Variants in ADAMTSL1 observed in about 807,000 individuals in gnomAD.
ADAMTSL1 encodes the protein ADAMTS-like protein 1.
A neutral mutation model predicts 201.8 loss-of-function variants in ADAMTSL1; 126 were observed. That is an observed-to-expected ratio of 0.62 (90% CI 0.54 to 0.72). The LOEUF (loss-of-function observed/expected upper bound fraction) is 0.72, where lower values mean the gene tolerates loss of function less well. ADAMTSL1 is among the 30% of genes least tolerant of loss of function. The pLI is 0.00. For missense variants in ADAMTSL1, 2,679 were observed against 2,277.8 expected (o/e 1.18, Z -3.59); for synonymous variants, 1,121 against 903.4 (o/e 1.24, Z -4.32).
At chr9:18,354,229 A>G (rs1211305481) in intron 2 of ADAMTSL1, among the ~76,000 whole-genome samples, 1 of 151,866 alleles carries the variant, frequency 6.6e-6, no homozygotes, top group Non-Finnish European at 1.5e-5. Context: ...TAAATGTACC[A>G]TAATTTAATT....
chr9:18,351,250 G>T (rs1439716760), intron 2 of ADAMTSL1, among the ~76,000 whole-genome samples: 1 of 124,496 alleles, frequency 8.0e-6, no homozygotes, highest in Non-Finnish European at 1.7e-5. Context: ...TAAGATGAAA[G>T]ACCAAAAAAA....
intron 2 of ADAMTSL1, among the ~76,000 whole-genome samples, chr9:18,267,771 A>AAAC: frequency 7.3e-6 from 1 of 136,496 alleles, no homozygotes; most frequent in Non-Finnish European, 1.6e-5. Context: ...TTAAAAAAAA[A>AAAC]AAACAAAAAC....
At chr9:18,160,880 T>G (rs10738503) in intron 1 of ADAMTSL1, among the ~76,000 whole-genome samples, 143,911 of 144,714 alleles carry the variant, frequency 0.99, 71,565 homozygotes, top group Middle Eastern at 1. Context: ...TAAGAGACAA[T>G]GTCTCACTAT....
At chr9:18,382,727 A>G (rs1306298852) in intron 2 of ADAMTSL1, among the ~76,000 whole-genome samples, 3 of 152,150 alleles carry the variant, frequency 2.0e-5, no homozygotes, top group Admixed American at 6.6e-5. Flanking sequence ...ACGACATCAC[A>G]GTGTACTTCT....
At position 18,712,974 on chromosome 9, in the gene ADAMTSL1, C is replaced by T. The variant is rs893079088; in HGVS notation, c.1876+5926C>T. Among the ~76,000 whole-genome samples the T allele has an allele frequency of 1.5e-4, 23 of 151,278 alleles. 1 individual carries two copies. Among genetic ancestry groups the T allele is most frequent in the Admixed American group, 1.3e-3 (19 of 15,148 alleles). ...ATTCTTAAAGAAAAGAATTTTCAACCCAGAATTTCATATCCAGCCAAACTA... is the reference window on the plus strand; with the variant it reads ...ATTCTTAAAGAAAAGAATTTTCAACTCAGAATTTCATATCCAGCCAAACTA... On this transcript the variant is annotated intron_variant, in intron 14 of 28. Transcript: ENST00000380548.
chr9:18,383,079 A>G (rs1029654952), intron 2 of ADAMTSL1, among the ~76,000 whole-genome samples: 1 of 152,184 alleles, frequency 6.6e-6, no homozygotes, highest in Non-Finnish European at 1.5e-5. Flanking sequence ...TGGCCCAACC[A>G]TGTACATACC....
chr9:18,350,476 T>G (rs1835918819), intron 2 of ADAMTSL1, among the ~76,000 whole-genome samples: 2 of 152,014 alleles, frequency 1.3e-5, no homozygotes. Flanking sequence ...GAAGGTGAAT[T>G]GGCTGCATAT....
intron 26 of ADAMTSL1, among the ~76,000 whole-genome samples, chr9:18,900,053 C>G (rs2383086): frequency 0.15 from 23,215 of 152,082 alleles, 3,416 homozygotes; most frequent in African/African-American, 0.39. Context: ...TGACAAAGGT[C>G]TAAATCCAGT....
chr9:18,711,863 G>A (rs1176670314), intron 14 of ADAMTSL1, among the ~76,000 whole-genome samples: 1 of 151,954 alleles, frequency 6.6e-6, no homozygotes, highest in African/African-American at 2.4e-5. Flanking sequence ...CAGCTTTGAA[G>A]AGAGCAGTGG....
chr9:18,833,456 G>A (rs183974291), intron 23 of ADAMTSL1, among the ~76,000 whole-genome samples: 31 of 152,300 alleles, frequency 2.0e-4, no homozygotes, highest in Admixed American at 5.2e-4. Context: ...CTAATAATCA[G>A]TGACGTTGAG....
intron 13 of ADAMTSL1, among the ~76,000 whole-genome samples, chr9:18,688,570 C>T (rs202112650): frequency 1.2e-4 from 17 of 137,348 alleles, no homozygotes; most frequent in East Asian, 2.5e-4. Context: ...CAGGAGTCTG[C>T]GGCTGGAGGG....
intron 18 of ADAMTSL1, among the ~76,000 whole-genome samples, 188 bp downstream of exon 18, chr9:18,776,084 G>A (rs956543138): frequency 6.6e-6 from 1 of 152,158 alleles, no homozygotes; most frequent in African/African-American, 2.4e-5. Flanking sequence ...ACGTGGCCAG[G>A]CTAAATTCTC....
intron 1 of ADAMTSL1, among the ~76,000 whole-genome samples, chr9:18,001,837 G>C (rs1262410752): frequency 6.6e-6 from 1 of 151,936 alleles, no homozygotes; most frequent in Non-Finnish European, 1.5e-5. Flanking sequence ...TGTTAGTTTT[G>C]GCAGATAGGA....
chr9:18,518,377 T>C (rs907271968), intron 2 of ADAMTSL1, among the ~76,000 whole-genome samples: 2 of 152,158 alleles, frequency 1.3e-5, no homozygotes, highest in African/African-American at 4.8e-5. Context: ...GTTTAGCTCC[T>C]GCTTATAGGT....
At chr9:18,348,964 C>G (rs903773918) in intron 2 of ADAMTSL1, among the ~76,000 whole-genome samples, 1 of 152,196 alleles carries the variant, frequency 6.6e-6, no homozygotes, top group African/African-American at 2.4e-5. Context: ...TCATTTAATC[C>G]TCATGTTGAC....
intron 3 of ADAMTSL1, among the ~76,000 whole-genome samples, chr9:18,533,750 C>T (rs1819587430): frequency 6.6e-6 from 1 of 152,194 alleles, no homozygotes; most frequent in Admixed American, 6.5e-5. Context: ...CTGTTTTAAA[C>T]ATCTGTAGTA....
At chr9:17,922,992 T>A (rs1011967957) in intron 1 of ADAMTSL1, among the ~76,000 whole-genome samples, 2 of 152,140 alleles carry the variant, frequency 1.3e-5, no homozygotes, top group African/African-American at 4.8e-5. Context: ...TTTCTTCAAG[T>A]CATCATGCCC....
chr9:18,644,722 A>C (rs891991618), intron 7 of ADAMTSL1, among the ~76,000 whole-genome samples: 1 of 151,834 alleles, frequency 6.6e-6, no homozygotes, highest in African/African-American at 2.4e-5. Flanking sequence ...TGAACTCATC[A>C]TTTTTTATGG....
intron 1 of ADAMTSL1, among the ~76,000 whole-genome samples, chr9:18,156,504 A>C (rs1192725289): frequency 6.6e-6 from 1 of 152,036 alleles, no homozygotes; most frequent in Non-Finnish European, 1.5e-5. Context: ...ATGTGTATGT[A>C]GACATTTTTA....
Sources: gnomAD v4.1 joint callset for allele counts (sites outside exome capture counted in the v4.1 genomes callset) on GRCh38, gnomAD v4.1.1 for gene constraint, MANE v1.5 for transcripts, NCBI Gene and HGNC (gene_info 2026-07-23, HGNC 2026-07-21) for gene names.